Variants in NOX4 observed in about 807,000 individuals in gnomAD.
The protein encoded by NOX4 is kidney oxidase-1.
In NOX4, 69 loss-of-function variants were observed where a neutral mutation model predicts 87.6. That is an observed-to-expected ratio of 0.79 (90% CI 0.65 to 0.96). The LOEUF (loss-of-function observed/expected upper bound fraction) is 0.96. NOX4 is among the 40% of genes least tolerant of loss of function. NOX4 has a pLI of 0.00. For synonymous variants in NOX4, 275 were observed against 238.2 expected (o/e 1.15, Z -1.42); for missense variants, 680 against 681.5 (o/e 1.00, Z 0.02).
At chr11:89,478,768 A>G (rs1946269613) in intron 2 of NOX4, among the ~76,000 whole-genome samples, 1 of 152,030 alleles carries the variant, frequency 6.6e-6, no homozygotes, top group Non-Finnish European at 1.5e-5. Context: ...CATAAACTAA[A>G]CTCTTCCAAG....
intron 2 of NOX4, chr11:89,489,022 G>C: frequency 2.8e-6 from 2 of 701,886 alleles, no homozygotes; most frequent in Non-Finnish European, 5.2e-6. Context: ...AGAAATAAAT[G>C]AAATGGGTTT....
intron 2 of NOX4, among the ~76,000 whole-genome samples, chr11:89,475,833 A>AC (rs1946142589): frequency 6.6e-6 from 1 of 152,160 alleles, no homozygotes; most frequent in Non-Finnish European, 1.5e-5. Context: ...ACCCTTTAAC[A>AC]CTACTAACTG....
chr11:89,560,961 C>CATCTCTCTCTCTCTCTCT, the NOX4 span, among the ~76,000 whole-genome samples: 7 of 52,540 alleles, frequency 1.3e-4, 1 homozygote, highest in African/African-American at 5.7e-4. Context: ...CATCTCATCT[C>CATCTCTCTCTCTCTCTCT]GTCTCTCTCT....
the NOX4 span, among the ~76,000 whole-genome samples, chr11:89,557,696 CTT>C: frequency 1.3e-5 from 2 of 152,054 alleles, no homozygotes; most frequent in East Asian, 3.9e-4. Context: ...GCTCCCTAAA[CTT>C]AGTCTCCATT....
At chr11:89,382,706 C>G (rs116822159) in intron 11 of NOX4, among the ~76,000 whole-genome samples, 2,479 of 152,156 alleles carry the variant, frequency 0.016, 85 homozygotes, top group African/African-American at 0.057. Context: ...TCCACTCCCC[C>G]ACCCTATAAT....
At chr11:89,405,276 CCAAT>C (rs1942106850) in intron 8 of NOX4, among the ~76,000 whole-genome samples, 1 of 151,900 alleles carries the variant, frequency 6.6e-6, no homozygotes, top group Admixed American at 6.6e-5. Flanking sequence ...TCAGGCCAGC[CCAAT>C]CAAACATTTG....
intron 8 of NOX4, among the ~76,000 whole-genome samples, chr11:89,408,075 C>T (rs1397502390): frequency 6.6e-6 from 1 of 151,952 alleles, no homozygotes; most frequent in African/African-American, 2.4e-5. Flanking sequence ...TTAATTCAAA[C>T]AATAAAACCA....
chr11:89,531,225 T>C, the NOX4 span, among the ~76,000 whole-genome samples: 1 of 152,182 alleles, frequency 6.6e-6, no homozygotes, highest in African/African-American at 2.4e-5. Context: ...AAGATCAACA[T>C]AGCTCTGGGT....
chr11:89,429,457 C>T (rs1211077979), intron 7 of NOX4, among the ~76,000 whole-genome samples: 14 of 151,932 alleles, frequency 9.2e-5, no homozygotes, highest in East Asian at 7.8e-4. Flanking sequence ...ATTGATAGAC[C>T]GCTAGCAAGA....
intron 11 of NOX4, among the ~76,000 whole-genome samples, chr11:89,381,482 C>A (rs551129930): frequency 1.3e-5 from 2 of 152,046 alleles, no homozygotes; most frequent in Admixed American, 1.3e-4. Flanking sequence ...TCCCTGCCTG[C>A]CAGAGAACAA....
chr11:89,563,004 T>C, the NOX4 span, among the ~76,000 whole-genome samples: 342 of 152,302 alleles, frequency 2.2e-3, no homozygotes, highest in Middle Eastern at 6.8e-3. Context: ...TCACGCTCTT[T>C]CTGTCTCTCC....
chr11:89,578,442 C>T, the NOX4 span, among the ~76,000 whole-genome samples: 3 of 152,202 alleles, frequency 2.0e-5, no homozygotes, highest in Non-Finnish European at 4.4e-5. Context: ...CCTCGGATTA[C>T]AGGCATGAAC....
intron 8 of NOX4, among the ~76,000 whole-genome samples, chr11:89,403,484 T>C (rs1206425729): frequency 2.0e-5 from 3 of 152,196 alleles, no homozygotes; most frequent in African/African-American, 7.2e-5. Flanking sequence ...AAATTATCTT[T>C]CATGCTCTCA....
chr11:89,363,824 T>C (rs1938719122), intron 12 of NOX4, among the ~76,000 whole-genome samples: 1 of 152,096 alleles, frequency 6.6e-6, no homozygotes, highest in African/African-American at 2.4e-5. Flanking sequence ...TAATACATGG[T>C]AATGCATAGT....
the NOX4 span, among the ~76,000 whole-genome samples, chr11:89,574,235 C>T: frequency 2.0e-5 from 3 of 152,140 alleles, no homozygotes; most frequent in Non-Finnish European, 4.4e-5. Context: ...CTGTAACAGA[C>T]CTAGAGTACG....
chr11:89,561,050 CATATATATATATATATATAT>C, the NOX4 span, among the ~76,000 whole-genome samples: 27 of 28,552 alleles, frequency 9.5e-4, no homozygotes, highest in South Asian at 1.5e-3. Flanking sequence ...ATATATCATA[CATATATATATATATATATAT>C]ATATATATAT....
chr11:89,377,476 T>C (rs970511008), intron 11 of NOX4, among the ~76,000 whole-genome samples: 1 of 152,132 alleles, frequency 6.6e-6, no homozygotes, highest in African/African-American at 2.4e-5. Context: ...GGAGAAAATA[T>C]AACCTTTACC....
At chr11:89,489,138 T>A in intron 2 of NOX4, 3 of 560,132 alleles carry the variant, frequency 5.4e-6, no homozygotes, top group African/African-American at 3.8e-5. Context: ...GTATAAAAAA[T>A]TAATTAATTA....
chr11:89,392,591 AC>A (rs1189814750), intron 11 of NOX4, among the ~76,000 whole-genome samples: 1 of 152,192 alleles, frequency 6.6e-6, no homozygotes, highest in African/African-American at 2.4e-5. Flanking sequence ...AATATCAAGT[AC>A]ATGAGGCTAT....
Sources: allele counts gnomAD v4.1 joint callset (sites outside exome capture counted in the v4.1 genomes callset), GRCh38; gene constraint gnomAD v4.1.1; transcripts MANE v1.5; gene names NCBI Gene and HGNC (gene_info 2026-07-23, HGNC 2026-07-21).